The following MRTFA variants were observed in gnomAD, a reference collection of about 807,000 sequenced individuals.
The protein encoded by MRTFA is myocardin related transcription factor A, also known as myocardin-related transcription factor A.
In MRTFA, 20 loss-of-function variants were observed where a neutral mutation model predicts 83.5. The ratio of observed to expected loss-of-function variants is 0.24; its 90% CI spans 0.17 to 0.35. The LOEUF is 0.35. Among genes scored for constraint, MRTFA ranks in the 10% least tolerant of loss-of-function variants. The probability of loss-of-function intolerance (pLI) is 1.00; values close to 1 mark genes in which losing one functional copy is unlikely to be tolerated. For synonymous variants in MRTFA, 659 were observed against 541.2 expected (o/e 1.22, Z -3.02); for missense variants, 1,200 against 1,224.7 (o/e 0.98, Z 0.30).
intron 3 of MRTFA, among the ~76,000 whole-genome samples, chr22:40,475,199 A>G (rs139166385): frequency 6.6e-6 from 1 of 152,260 alleles, no homozygotes; most frequent in East Asian, 1.9e-4. Context: ...AATGAGAACC[A>G]TGTCTTACAC....
intron 4 of MRTFA, among the ~76,000 whole-genome samples, chr22:40,459,780 TATACACACACACACACAC>T (rs2053664351): frequency 2.5e-5 from 2 of 80,824 alleles, no homozygotes; most frequent in Non-Finnish European, 5.0e-5. Flanking sequence ...ACTGATAAAA[TATACACACACACACACAC>T]ACACACACAC....
intron 4 of MRTFA, among the ~76,000 whole-genome samples, chr22:40,453,460 A>G (rs2053530576): frequency 6.6e-6 from 1 of 152,178 alleles, no homozygotes; most frequent in African/African-American, 2.4e-5. Flanking sequence ...CCTATTGGAA[A>G]GGGGCACTGG....
chr22:40,572,487 TAA>T (rs55934032), intron 2 of MRTFA, among the ~76,000 whole-genome samples: 7 of 144,154 alleles, frequency 4.9e-5, no homozygotes, highest in Non-Finnish European at 3.0e-5. Context: ...CCCTATCTCT[TAA>T]AAAAAAAAAA....
At chr22:40,414,568 T>C (rs1307629317) in intron 14 of MRTFA, among the ~76,000 whole-genome samples, 1 of 152,110 alleles carries the variant, frequency 6.6e-6, no homozygotes, top group African/African-American at 2.4e-5. Context: ...TTCTGACACA[T>C]GCTGCAACAC....
intron 3 of MRTFA, among the ~76,000 whole-genome samples, chr22:40,517,236 AT>A (rs1438936993): frequency 6.6e-6 from 1 of 152,170 alleles, no homozygotes; most frequent in East Asian, 1.9e-4. Context: ...TAAAATACAT[AT>A]TCTAAAAGAA....
At chr22:40,475,049 G>A (rs2053970221) in intron 3 of MRTFA, among the ~76,000 whole-genome samples, 1 of 151,888 alleles carries the variant, frequency 6.6e-6, no homozygotes, top group African/African-American at 2.4e-5. Context: ...ATGTTGGCCA[G>A]GCTGGTCTAG....
At position 40,486,002 on chromosome 22, in the gene MRTFA, TG is replaced by T. The variant is rs2054169328; in HGVS notation, c.242-22717del. The stretch of plus-strand genomic sequence containing the variant: ...AACCTGGCAGGCCTTCGAAGGTCGG[TG>T]CAGGAATGAGCCATCTGCCTGGCCC... On this transcript the variant is annotated intron_variant, in intron 3 of 14. Coordinates refer to ENST00000355630, the MANE Select transcript of MRTFA (RefSeq NM_020831.6). Among the ~76,000 whole-genome samples, 5 of 152,156 alleles carry T rather than the reference TG, an allele frequency of 3.3e-5. No homozygotes were observed. The South Asian group carries it at 1.0e-3, about 32-fold the overall frequency.
intron 3 of MRTFA, chr22:40,519,618 G>A: frequency 7.7e-7 from 1 of 1,296,794 alleles, no homozygotes; most frequent in Non-Finnish European, 1.0e-6. Context: ...TTTTTCTGTT[G>A]TACATAAAAG....
chr22:40,552,655 T>C (rs779195834), intron 2 of MRTFA, among the ~76,000 whole-genome samples: 12 of 152,214 alleles, frequency 7.9e-5, no homozygotes, highest in Non-Finnish European at 1.5e-4. Flanking sequence ...TCCACCATGA[T>C]TGTAAGTTCC....
intron 1 of MRTFA, among the ~76,000 whole-genome samples, chr22:40,624,581 A>C (rs1054505400): frequency 6.6e-6 from 1 of 152,148 alleles, no homozygotes; most frequent in Admixed American, 6.6e-5. Flanking sequence ...TACCCAGAAG[A>C]GGCAGGGTGG....
intron 3 of MRTFA, among the ~76,000 whole-genome samples, chr22:40,527,830 C>T (rs926224167): frequency 2.0e-5 from 3 of 151,274 alleles, no homozygotes; most frequent in Non-Finnish European, 4.4e-5. Context: ...TTATGAGTCT[C>T]GTCTTTATTT....
At chr22:40,499,914 C>CTTTTTTTTTTTTT (rs72041822) in intron 3 of MRTFA, among the ~76,000 whole-genome samples, 1 of 84,928 alleles carries the variant, frequency 1.2e-5, no homozygotes, top group Non-Finnish European at 2.1e-5. Context: ...TCAAGTAGAC[C>CTTTTTTTTTTTTT]TTTTTTTTTT....
At chr22:40,580,564 A>G (rs2055933052) in intron 2 of MRTFA, among the ~76,000 whole-genome samples, 1 of 152,208 alleles carries the variant, frequency 6.6e-6, no homozygotes, top group Admixed American at 6.5e-5. Context: ...ATAAACCCAA[A>G]TATAACAATT....
intron 3 of MRTFA, among the ~76,000 whole-genome samples, chr22:40,476,915 C>A (rs1268550285): frequency 6.6e-6 from 1 of 151,996 alleles, no homozygotes; most frequent in Non-Finnish European, 1.5e-5. Flanking sequence ...TTATAATTAG[C>A]CCTATCCTTA....
intron 4 of MRTFA, among the ~76,000 whole-genome samples, chr22:40,458,705 T>C (rs985719420): frequency 6.6e-6 from 1 of 152,170 alleles, no homozygotes; most frequent in African/African-American, 2.4e-5. Context: ...ATAACTAACG[T>C]GCCCATTCCC....
chr22:40,520,856 C>T (rs1873106591), intron 3 of MRTFA, among the ~76,000 whole-genome samples: 1 of 152,068 alleles, frequency 6.6e-6, no homozygotes, highest in African/African-American at 2.4e-5. Context: ...GAAAAAGCTG[C>T]TATGAACATT....
intron 1 of MRTFA, among the ~76,000 whole-genome samples, chr22:40,615,796 T>A (rs2056442296): frequency 6.6e-6 from 1 of 151,872 alleles, no homozygotes; most frequent in Non-Finnish European, 1.5e-5. Flanking sequence ...GTGATTCTCC[T>A]GCCTCAGCCT....
At chr22:40,478,095 A>G (rs753264602) in intron 3 of MRTFA, among the ~76,000 whole-genome samples, 2 of 152,142 alleles carry the variant, frequency 1.3e-5, no homozygotes, top group Non-Finnish European at 2.9e-5. Context: ...TGCCAGAGAA[A>G]CGAGCTGCTG....
intron 3 of MRTFA, chr22:40,522,863 G>C (rs1013033324): frequency 3.3e-5 from 5 of 152,096 alleles, no homozygotes; most frequent in Non-Finnish European, 7.3e-5. Context: ...AACATCAATA[G>C]AACCAACTAA....
Sources: allele counts gnomAD v4.1 joint callset (sites outside exome capture counted in the v4.1 genomes callset), GRCh38; gene constraint gnomAD v4.1.1; transcripts MANE v1.5; gene names NCBI Gene and HGNC (gene_info 2026-07-23, HGNC 2026-07-21).